Variants in HELZ observed in about 807,000 individuals in gnomAD.
HELZ encodes helicase with zinc finger, also known as ATP-dependent RNA helicase with zinc finger domain.
HELZ carries 23 observed loss-of-function variants against 218.2 expected under a neutral mutation model. That is an observed-to-expected ratio of 0.11 (90% CI 0.08 to 0.15). HELZ has a LOEUF of 0.15. HELZ is among the 10% of genes least tolerant of loss of function. The pLI is 1.00. For synonymous variants in HELZ, 814 were observed against 829.4 expected (o/e 0.98, Z 0.32); for missense variants, 1,813 against 2,353.7 (o/e 0.77, Z 4.75).
intron 23 of HELZ, among the ~76,000 whole-genome samples, chr17:67,133,148 T>C (rs192336016): frequency 6.6e-6 from 1 of 151,068 alleles, no homozygotes; most frequent in African/African-American, 2.4e-5. Context: ...GAAATGTATG[T>C]TTTTTTTTCA....
intron 3 of HELZ, among the ~76,000 whole-genome samples, chr17:67,230,477 A>G (rs1465180639): frequency 2.0e-5 from 3 of 151,660 alleles, no homozygotes; most frequent in Admixed American, 1.3e-4. Context: ...CATTCCTGTA[A>G]TCCCAGCTAC....
chr17:67,188,355 T>C lies in HELZ; in HGVS notation c.1126A>G (p.Met376Val), dbSNP rs747839654. The C allele has an allele frequency of 5.6e-6, 9 of 1,613,346 alleles. No individual in the cohort carries two copies. Among genetic ancestry groups the C allele is most frequent in the African/African-American group, 1.3e-5 (1 of 74,912 alleles). Residue 376 changes from methionine (M) to valine (V), a missense_variant, in exon 12 of 33, where the codon ATG becomes GTG. By Grantham distance (21) the Met-to-Val change is conservative. Transcript: ENST00000358691. This position sits in a 1 kb window ranked among gnomAD's most constrained non-coding sequence, Gnocchi z 4.1. The part of the protein sequence containing the change: ...VFDFGLEPVL[M>V]QRVMIDAAST... ...GCTGCATCAATCATTACTCTTTGCA[T>C]GAGTACTGGTTCCAATCCAAAGTCG...
chr17:67,227,163 T>C (rs1253680116), intron 3 of HELZ, among the ~76,000 whole-genome samples: 2 of 152,082 alleles, frequency 1.3e-5, no homozygotes, highest in East Asian at 1.9e-4. Context: ...GTAAGAATTA[T>C]TTTTAAAATA....
intron 21 of HELZ, among the ~76,000 whole-genome samples, chr17:67,144,108 G>T (rs1054225177): frequency 1.3e-5 from 2 of 152,078 alleles, no homozygotes; most frequent in Non-Finnish European, 2.9e-5. Context: ...ACACAAAATA[G>T]ATTTGAGTTT....
rs1555594211 is a variant in HELZ, at chr17:67,086,631, A to AATATATAAAT, written c.5494+197_5494+198insATTTATATAT. On this transcript the variant is annotated intron_variant, in intron 32 of 32. Coordinates refer to ENST00000358691, the MANE Select transcript of HELZ (RefSeq NM_014877.4). ...ATATATATAAATAAATATAAATATA[A>AATATATAAAT]ATATATATATATATATATATATATA... Among the ~76,000 whole-genome samples, 19 of 93,300 alleles carry AATATATAAAT rather than the reference A, an allele frequency of 2.0e-4. No homozygotes were observed. The East Asian group carries it at 3.4e-3, about 17-fold the overall frequency. 61.2% of individuals were successfully genotyped at this position (93,300 alleles called of 152,430 possible). A position where few individuals can be genotyped will look rare whatever the true frequency, so the allele number is the denominator to read the frequency against.
At chr17:67,183,827 T>C (rs1423629768) in intron 12 of HELZ, among the ~76,000 whole-genome samples, 1 of 152,004 alleles carries the variant, frequency 6.6e-6, no homozygotes, top group African/African-American at 2.4e-5. Context: ...ATATAGTGTC[T>C]TTTTCTGAAC....
intron 22 of HELZ, among the ~76,000 whole-genome samples, chr17:67,137,499 A>G (rs1206273237): frequency 1.3e-5 from 2 of 152,224 alleles, no homozygotes; most frequent in Non-Finnish European, 2.9e-5. Flanking sequence ...GTTGCTTCAT[A>G]TATTTAAAAG....
At chr17:67,117,343 T>C (rs1009076354) in intron 27 of HELZ, among the ~76,000 whole-genome samples, 28 of 152,060 alleles carry the variant, frequency 1.8e-4, no homozygotes, top group African/African-American at 5.8e-4. Context: ...AAATCACCAA[T>C]AATCAGCAAC....
chr17:67,097,643 A>G (rs2036790998), intron 31 of HELZ, among the ~76,000 whole-genome samples: 1 of 152,250 alleles, frequency 6.6e-6, no homozygotes, highest in Non-Finnish European at 1.5e-5. Context: ...CGTCAGGTTC[A>G]CTGCTGTGAC....
intron 5 of HELZ, among the ~76,000 whole-genome samples, chr17:67,206,863 A>C (rs1380918466): frequency 6.8e-6 from 1 of 146,994 alleles, no homozygotes; most frequent in Non-Finnish European, 1.5e-5. Flanking sequence ...CCTCCCAAAG[A>C]GCTGGGATTA....
intron 25 of HELZ, 47 bp from the exon 26 acceptor site, chr17:67,123,207 C>T (rs778826088): frequency 2.7e-6 from 3 of 1,123,234 alleles, no homozygotes; most frequent in Admixed American, 5.0e-5. Flanking sequence ...TGTACATAGT[C>T]ATCCAGAAAA....
intron 4 of HELZ, 55 bp from the exon 5 acceptor site, chr17:67,215,990 G>T: frequency 2.0e-6 from 2 of 1,008,982 alleles, no homozygotes; most frequent in South Asian, 1.4e-5. Flanking sequence ...GCTTTTAACA[G>T]AGATGTTGTC....
At position 67,095,118 on chromosome 17, in the gene HELZ, A is replaced by G. The variant is rs1046743800; in HGVS notation, c.5242-8037T>C. ...CTTAAGCCCTTCCAGTATTTTATCA[A>G]CTAAATTTATGGAATATTCTAAATC... On this transcript the variant is annotated intron_variant, in intron 31 of 32. Coordinates refer to ENST00000358691, the MANE Select transcript of HELZ (RefSeq NM_014877.4). Among the ~76,000 whole-genome samples the G allele has an allele frequency of 3.9e-4, 60 of 152,224 alleles. 1 individual carries two copies. The highest frequency in any genetic ancestry group is 1.4e-3 in the African/African-American group (57 of 41,460).
intron 2 of HELZ, among the ~76,000 whole-genome samples, chr17:67,240,589 G>A (rs915983760): frequency 6.6e-6 from 1 of 152,094 alleles, no homozygotes; most frequent in Non-Finnish European, 1.5e-5. Context: ...GAAGCAAAAA[G>A]GCAAATTCAG....
intron 2 of HELZ, among the ~76,000 whole-genome samples, chr17:67,240,732 T>C (rs1038834663): frequency 1.3e-5 from 2 of 152,208 alleles, no homozygotes; most frequent in Admixed American, 6.5e-5. Flanking sequence ...TTCTTTTTTG[T>C]TCAAAGACAA....
chr17:67,120,993 G>A (rs963081883), intron 26 of HELZ, among the ~76,000 whole-genome samples: 1 of 152,132 alleles, frequency 6.6e-6, no homozygotes, highest in African/African-American at 2.4e-5. Flanking sequence ...AGTCATAATT[G>A]CATAGAAACA....
rs760287233 is a variant in HELZ at position 67,151,066 on chromosome 17, C to T, written c.2336G>A (p.Cys779Tyr). Residue 779 changes from cysteine (C) to tyrosine (Y), a missense_variant, in exon 18 of 33, where the codon TGT becomes TAT. Physicochemically the swap from Cys to Tyr is radical, Grantham distance 194 (BLOSUM62 -2). Around this residue, in one of 4 missense-constraint regions of HELZ, gnomAD observed 714 missense variants for 1,029.2 expected, o/e 0.69. Transcript: ENST00000358691. Reference sequence around the variant, plus strand: ...CATACCAGGTTCAAGGTCCAACTGACAGAGGTACTGGGAAGTATTCAAGGT... The same window carrying T: ...CATACCAGGTTCAAGGTCCAACTGATAGAGGTACTGGGAAGTATTCAAGGT... ...VVTLNTSQYL[C>Y]QLDLEPGFFT... 9 of 1,613,688 alleles carry T rather than the reference C, an allele frequency of 5.6e-6. No homozygotes were observed. The Admixed American group carries it at 8.3e-5, about 15-fold the overall frequency.
In HELZ at chr17:67,188,182, A is replaced by T; in HGVS notation, c.1162+137T>A. 1.3e-6 allele frequency: 1 copy of T among 761,378 alleles called. No individual in the cohort carries two copies. Among genetic ancestry groups the T allele is most frequent in the Non-Finnish European group, 2.1e-6 (1 of 472,934 alleles). The allele number at this position is 761,378 out of a possible 1,614,324, so 47.2% of individuals were successfully genotyped here. On this transcript the variant is annotated intron_variant, in intron 12 of 32. Transcript: ENST00000358691. The surrounding 1 kb of genome is among the most constrained non-coding windows in gnomAD (Gnocchi z 4.1). ...ATCATTATAAGCCCATTACACAGTA[A>T]ATGAGTCAATTAAGTTGGGATTTTT...
At chr17:67,196,000 C>G (rs2040018059) in intron 7 of HELZ, among the ~76,000 whole-genome samples, 1 of 151,790 alleles carries the variant, frequency 6.6e-6, no homozygotes, top group Non-Finnish European at 1.5e-5. Context: ...TACAGATGCC[C>G]ACCACCACGC....
Sources: gnomAD v4.1 joint callset for allele counts (sites outside exome capture counted in the v4.1 genomes callset) on GRCh38, gnomAD v4.1.1 for gene constraint, gnomAD v4.1.1 regional missense constraint, Gnocchi (gnomAD v3.1) non-coding constraint, MANE v1.5 for transcripts, NCBI Gene and HGNC (gene_info 2026-07-23, HGNC 2026-07-21) for gene names.